The following BRD10 variants were observed in gnomAD, a reference collection of about 807,000 sequenced individuals.
BRD10 encodes uncharacterized bromodomain-containing protein 10.
the BRD10 span, among the ~76,000 whole-genome samples, chr9:5,905,359 CT>C: frequency 1.3e-5 from 2 of 152,146 alleles, no homozygotes; most frequent in Admixed American, 6.5e-5. Flanking sequence ...TACTCCCTCC[CT>C]TTTAGAGTTT....
At chr9:5,929,755 C>CAT in the BRD10 span, among the ~76,000 whole-genome samples, 401 of 151,824 alleles carry the variant, frequency 2.6e-3, no homozygotes, top group African/African-American at 6.4e-3. Flanking sequence ...AGGTATTTCA[C>CAT]ATATATATAT....
the BRD10 span, among the ~76,000 whole-genome samples, chr9:5,898,535 A>G: frequency 6.6e-6 from 1 of 152,160 alleles, no homozygotes. Context: ...TTCAAACTAT[A>G]GCACCTGTCT....
chr9:5,924,288 C>CT, the BRD10 span, among the ~76,000 whole-genome samples: 2,949 of 142,986 alleles, frequency 0.021, 30 homozygotes, highest in African/African-American at 0.026. Context: ...CTCCAAGAAA[C>CT]TTTTTTTTTT....
chr9:5,943,170 C>A, the BRD10 span, among the ~76,000 whole-genome samples: 1 of 152,146 alleles, frequency 6.6e-6, no homozygotes, highest in Non-Finnish European at 1.5e-5. Context: ...AGCCACTACG[C>A]CTGGCTGTGG....
At chr9:5,990,995 T>G in the BRD10 span, among the ~76,000 whole-genome samples, 1 of 152,186 alleles carries the variant, frequency 6.6e-6, no homozygotes, top group Non-Finnish European at 1.5e-5. Context: ...GATTAAATAA[T>G]GTACTGAACA....
At chr9:6,002,493 G>A in the BRD10 span, among the ~76,000 whole-genome samples, 2 of 152,188 alleles carry the variant, frequency 1.3e-5, no homozygotes, top group South Asian at 4.1e-4. Flanking sequence ...GAGATTTACT[G>A]AGGAGAAATA....
At chr9:5,898,974 A>T in the BRD10 span, 1 of 152,158 alleles carries the variant, frequency 6.6e-6, no homozygotes, top group African/African-American at 2.4e-5. Context: ...CAATTACACA[A>T]TCCAATCTTC....
At chr9:5,962,566 T>G in the BRD10 span, among the ~76,000 whole-genome samples, 5,212 of 9,408 alleles carry the variant, frequency 0.55, 2,144 homozygotes, top group Middle Eastern at 0.94. Context: ...TATGAGGCCA[T>G]CATCATTCTG....
chr9:5,960,819 T>C, the BRD10 span, among the ~76,000 whole-genome samples: 1 of 152,092 alleles, frequency 6.6e-6, no homozygotes, highest in Admixed American at 6.5e-5. Flanking sequence ...AAATGTCCAA[T>C]AAGGAGACTG....
chr9:5,920,747 G>T, the BRD10 span: 1 of 1,613,936 alleles, frequency 6.2e-7, no homozygotes, highest in Non-Finnish European at 8.5e-7. Context: ...AGTCGCAGGT[G>T]TAGGTAAGGC....
At chr9:5,893,302 G>A in the BRD10 span, among the ~76,000 whole-genome samples, 1 of 152,132 alleles carries the variant, frequency 6.6e-6, no homozygotes, top group Non-Finnish European at 1.5e-5. Flanking sequence ...GGGTGGCAGG[G>A]GCAGGGGAGG....
chr9:5,905,667 G>A, the BRD10 span, among the ~76,000 whole-genome samples: 1 of 152,174 alleles, frequency 6.6e-6, no homozygotes, highest in East Asian at 1.9e-4. Flanking sequence ...GCTAACTAAA[G>A]AATACCTAAA....
the BRD10 span, among the ~76,000 whole-genome samples, chr9:5,918,521 G>C: frequency 5.3e-5 from 8 of 152,106 alleles, no homozygotes; most frequent in African/African-American, 1.9e-4. Flanking sequence ...TTCAAGACCA[G>C]CCTAGCAACA....
the BRD10 span, among the ~76,000 whole-genome samples, chr9:5,929,644 A>G: frequency 6.6e-6 from 1 of 152,178 alleles, no homozygotes; most frequent in African/African-American, 2.4e-5. Context: ...CAATGTTTCT[A>G]GCCCAGAAAA....
At chr9:5,942,611 A>C in the BRD10 span, among the ~76,000 whole-genome samples, 6 of 152,192 alleles carry the variant, frequency 3.9e-5, no homozygotes, top group African/African-American at 1.2e-4. Flanking sequence ...TCATGTAAAC[A>C]ATCTTTTAAA....
the BRD10 span, among the ~76,000 whole-genome samples, chr9:5,979,191 TAAA>T: frequency 6.6e-6 from 1 of 152,210 alleles, no homozygotes; most frequent in Non-Finnish European, 1.5e-5. Context: ...AGCAAGTTTG[TAAA>T]AGTACATGAA....
the BRD10 span, among the ~76,000 whole-genome samples, chr9:5,904,162 A>G: frequency 6.6e-6 from 1 of 151,510 alleles, no homozygotes; most frequent in Non-Finnish European, 1.5e-5. Flanking sequence ...CCTGGCCTCT[A>G]TCCACTTACT....
the BRD10 span, among the ~76,000 whole-genome samples, chr9:5,929,705 A>G: frequency 2.6e-5 from 4 of 152,174 alleles, no homozygotes; most frequent in Non-Finnish European, 4.4e-5. Context: ...CTAAGAGTTA[A>G]TAATTACTGA....
At chr9:5,958,509 C>T in the BRD10 span, among the ~76,000 whole-genome samples, 1 of 152,128 alleles carries the variant, frequency 6.6e-6, no homozygotes, top group Admixed American at 6.5e-5. Context: ...GTGGTGCATG[C>T]CTGTGATCCC....
Sources: allele counts gnomAD v4.1 joint callset (sites outside exome capture counted in the v4.1 genomes callset), GRCh38; gene constraint gnomAD v4.1.1; transcripts MANE v1.5; gene names NCBI Gene and HGNC (gene_info 2026-07-23, HGNC 2026-07-21).